Variants in IGF1R observed in about 807,000 individuals in gnomAD.
IGF1R encodes the protein insulin like growth factor 1 receptor.
Under a neutral mutation model 144.6 loss-of-function variants are expected in IGF1R, and 44 were observed. That is an observed-to-expected ratio of 0.30 (90% CI 0.24 to 0.39). The LOEUF is 0.39. Among genes scored for constraint, IGF1R ranks in the 10% least tolerant of loss-of-function variants. The pLI is 1.00. For missense variants in IGF1R, 1,355 were observed against 1,833.7 expected (o/e 0.74, Z 4.77); for synonymous variants, 795 against 722.8 (o/e 1.10, Z -1.60).
At chr15:98,857,249 C>G (rs2011873072) in intron 2 of IGF1R, among the ~76,000 whole-genome samples, 1 of 152,210 alleles carries the variant, frequency 6.6e-6, no homozygotes, top group Non-Finnish European at 1.5e-5. Flanking sequence ...GACAGAGTCT[C>G]ACCCTTTCGC....
At chr15:98,920,219 A>G (rs1434051875) in intron 10 of IGF1R, among the ~76,000 whole-genome samples, 1 of 152,170 alleles carries the variant, frequency 6.6e-6, no homozygotes, top group African/African-American at 2.4e-5. Flanking sequence ...TTGGAAATGT[A>G]GTTGTTTACC....
intron 2 of IGF1R, among the ~76,000 whole-genome samples, chr15:98,829,114 C>T (rs913782658): frequency 1.3e-5 from 2 of 152,072 alleles, no homozygotes; most frequent in Non-Finnish European, 2.9e-5. Context: ...AAATAACCGC[C>T]AATTCAGACT....
At chr15:98,813,282 G>A (rs2056630375) in intron 2 of IGF1R, among the ~76,000 whole-genome samples, 2 of 152,012 alleles carry the variant, frequency 1.3e-5, no homozygotes, top group South Asian at 4.1e-4. Flanking sequence ...TCACTCATAT[G>A]CAAAATAACC....
chr15:98,945,350 C>A (rs114962406), intron 19 of IGF1R, among the ~76,000 whole-genome samples: 2,925 of 152,278 alleles, frequency 0.019, 65 homozygotes, highest in African/African-American at 0.06. Context: ...TGCTACCATC[C>A]CCTCCTGGTG....
intron 2 of IGF1R, among the ~76,000 whole-genome samples, chr15:98,858,822 C>T (rs1445998620): frequency 1.3e-5 from 2 of 152,194 alleles, no homozygotes; most frequent in African/African-American, 4.8e-5. Context: ...TTTGAACAGC[C>T]AAACTTCCTC....
chr15:98,751,564 A>G (rs942405346), intron 2 of IGF1R, among the ~76,000 whole-genome samples: 1 of 152,144 alleles, frequency 6.6e-6, no homozygotes, highest in African/African-American at 2.4e-5. Context: ...GGGCATTTGC[A>G]TTGGTCCCAG....
At position 98,649,529 on chromosome 15, in the gene IGF1R, T is replaced by TC. The variant is rs373257726; in HGVS notation, c.-53_-52insC. On this transcript the variant is annotated 5_prime_UTR_variant, in exon 1 of 21. Coordinates refer to ENST00000650285, the MANE Select transcript of IGF1R (RefSeq NM_000875.5). ...TTCCTTTTTTTCTTTTCTTTTCTTTTTTTTTTTTTTTTTTTTTTTTGAGAA... is the reference window on the plus strand; with the variant it reads ...TTCCTTTTTTTCTTTTCTTTTCTTTTCTTTTTTTTTTTTTTTTTTTTGAGAA... The TC allele has an allele frequency of 3.3e-4, 39 of 119,502 alleles. No individual in the cohort carries two copies. Among genetic ancestry groups the TC allele is most frequent in the African/African-American group, 2.6e-3 (14 of 5,308 alleles). The allele number at this position is 119,502 out of a possible 1,614,324, so 7.4% of individuals were successfully genotyped here.
intron 1 of IGF1R, among the ~76,000 whole-genome samples, chr15:98,700,641 G>A (rs2053707285): frequency 6.6e-6 from 1 of 152,170 alleles, no homozygotes; most frequent in Non-Finnish European, 1.5e-5. Flanking sequence ...GTCTCAGTCT[G>A]CTTTCTAGCA....
intron 2 of IGF1R, among the ~76,000 whole-genome samples, chr15:98,836,706 A>T (rs1208016588): frequency 6.6e-6 from 1 of 152,162 alleles, no homozygotes; most frequent in South Asian, 2.1e-4. Flanking sequence ...AACATCCTTC[A>T]TTGTGTTTAC....
rs1476190919 is a variant in IGF1R at position 98,964,098 on chromosome 15, T to A, written c.*6656T>A. On this transcript the variant is annotated 3_prime_UTR_variant, in exon 21 of 21. Coordinates refer to ENST00000650285, the MANE Select transcript of IGF1R (RefSeq NM_000875.5). Reference sequence around the variant, plus strand: ...GGTTGAGGTGAGAGGTTTGCCAGAGTTTGTCTACCTCTGGGTATCCCTTTG... The same window carrying A: ...GGTTGAGGTGAGAGGTTTGCCAGAGATTGTCTACCTCTGGGTATCCCTTTG... The A allele has an allele frequency of 1.3e-5, 3 of 233,054 alleles. No homozygotes were observed. The highest frequency in any genetic ancestry group is 2.5e-5 in the Non-Finnish European group (3 of 117,778). 14.4% of individuals were successfully genotyped at this position (233,054 alleles called of 1,614,324 possible).
intron 13 of IGF1R, among the ~76,000 whole-genome samples, chr15:98,929,356 A>G (rs568579180): frequency 1.3e-5 from 2 of 152,356 alleles, no homozygotes; most frequent in African/African-American, 4.8e-5. Flanking sequence ...CTCAGTCTGC[A>G]CATATTTACT....
intron 5 of IGF1R, among the ~76,000 whole-genome samples, chr15:98,902,738 T>C (rs1390526656): frequency 6.6e-6 from 1 of 152,214 alleles, no homozygotes; most frequent in East Asian, 1.9e-4. Context: ...TTATAGCCAG[T>C]GATAACATAA....
At chr15:98,800,419 T>C (rs1232978808) in intron 2 of IGF1R, among the ~76,000 whole-genome samples, 1 of 152,178 alleles carries the variant, frequency 6.6e-6, no homozygotes, top group African/African-American at 2.4e-5. Flanking sequence ...CTTTGGGAGT[T>C]GTGTTGCTAT....
At chr15:98,715,107 G>C (rs1450278796) in intron 2 of IGF1R, among the ~76,000 whole-genome samples, 2 of 152,210 alleles carry the variant, frequency 1.3e-5, no homozygotes, top group Non-Finnish European at 2.9e-5. Context: ...TTATTTAGAA[G>C]GGGGTCACAT....
chr15:98,837,473 G>A (rs552430012), intron 2 of IGF1R, among the ~76,000 whole-genome samples: 18 of 152,074 alleles, frequency 1.2e-4, no homozygotes, highest in African/African-American at 2.7e-4. Context: ...TCTCCTGACC[G>A]CCCACCTCGG....
chr15:98,825,298 C>A (rs887104809), intron 2 of IGF1R, among the ~76,000 whole-genome samples: 2 of 152,228 alleles, frequency 1.3e-5, no homozygotes, highest in Non-Finnish European at 2.9e-5. Context: ...CCAACAGATA[C>A]CAAAATCCAC....
In IGF1R at chr15:98,802,791, G is replaced by T. The variant is rs1293419397; in HGVS notation, c.641-88534G>T. ...TTCTCATATATTAGCGGTCTTAAGT[G>T]AGTGAGACCCCTAAGAATTCTTAAT... On this transcript the variant is annotated intron_variant, in intron 2 of 20. Coordinates refer to ENST00000650285, the MANE Select transcript of IGF1R (RefSeq NM_000875.5). Among the ~76,000 whole-genome samples, 3 of 152,204 alleles carry T rather than the reference G, an allele frequency of 2.0e-5. No homozygotes were observed. The East Asian group carries it at 5.8e-4, about 29-fold the overall frequency.
intron 2 of IGF1R, among the ~76,000 whole-genome samples, chr15:98,789,696 T>C (rs917813815): frequency 6.6e-6 from 1 of 152,206 alleles, no homozygotes; most frequent in African/African-American, 2.4e-5. Flanking sequence ...GATGCTCTTA[T>C]AGTTTAATAA....
chr15:98,826,227 C>T (rs148364686), intron 2 of IGF1R, among the ~76,000 whole-genome samples: 424 of 152,270 alleles, frequency 2.8e-3, no homozygotes, highest in Non-Finnish European at 3.4e-3. Flanking sequence ...TATGTGCATA[C>T]GCTGAAATAA....
Sources: allele counts gnomAD v4.1 joint callset (sites outside exome capture counted in the v4.1 genomes callset), GRCh38; gene constraint gnomAD v4.1.1; transcripts MANE v1.5; gene names NCBI Gene and HGNC (gene_info 2026-07-23, HGNC 2026-07-21).